The following CDYL variants were observed in gnomAD, a reference collection of about 807,000 sequenced individuals.
The protein encoded by CDYL is chromodomain Y-like protein.
CDYL carries 8 observed loss-of-function variants against 47.3 expected under a neutral mutation model. The observed-to-expected ratio is 0.17, with a 90% CI of 0.10 to 0.31. The LOEUF (loss-of-function observed/expected upper bound fraction) is 0.31, where lower values mean the gene tolerates loss of function less well. CDYL is among the 10% of genes least tolerant of loss of function. CDYL has a pLI of 1.00. For synonymous variants in CDYL, 266 were observed against 265.0 expected, an observed-to-expected ratio of 1.00 and a Z score of -0.04; for missense variants, 471 against 701.4, an observed-to-expected ratio of 0.67 and a Z score of 3.71.
chr6:4,922,584 G>A (rs1757748936), intron 2 of CDYL, among the ~76,000 whole-genome samples: 1 of 152,178 alleles, frequency 6.6e-6, no homozygotes, highest in Non-Finnish European at 1.5e-5. Flanking sequence ...TCCAGGTGGT[G>A]CCCACCAGTA....
At chr6:4,765,008 T>C (rs537524861) in intron 3 of CDYL, among the ~76,000 whole-genome samples, 15 of 152,220 alleles carry the variant, frequency 9.9e-5, no homozygotes, top group Admixed American at 2.6e-4. Flanking sequence ...ACAGATTATA[T>C]TCTTTCACTA....
chr6:4,722,742 A>AG (rs1483096071), intron 2 of CDYL, among the ~76,000 whole-genome samples: 1 of 152,096 alleles, frequency 6.6e-6, no homozygotes, highest in Non-Finnish European at 1.5e-5. Context: ...CTGGATGTGC[A>AG]GGTGCATACC....
chr6:4,798,133 T>C (rs1201807987), intron 1 of CDYL, among the ~76,000 whole-genome samples: 1 of 152,068 alleles, frequency 6.6e-6, no homozygotes, highest in Non-Finnish European at 1.5e-5. Context: ...CCACTACACC[T>C]GGCTAATTTT....
Position 4,873,458 on chromosome 6 carries a change from A to G in CDYL, c.25-18255A>G, listed in dbSNP as rs1761530612. Among the ~76,000 whole-genome samples the G allele has an allele frequency of 2.6e-5, 4 of 152,180 alleles. No homozygotes were observed. The South Asian group carries it at 8.3e-4, about 32-fold the overall frequency. Reference sequence around the variant, plus strand: ...ATGTTATTCTTCTACTTCCTTATGTATATACTGAGAGACATTTCATTGCTG... The same window carrying G: ...ATGTTATTCTTCTACTTCCTTATGTGTATACTGAGAGACATTTCATTGCTG... On this transcript the variant is annotated intron_variant, in intron 1 of 6. Transcript: ENST00000397588.
At chr6:4,881,686 T>C (rs1721100058) in intron 1 of CDYL, among the ~76,000 whole-genome samples, 1 of 152,238 alleles carries the variant, frequency 6.6e-6, no homozygotes, top group Non-Finnish European at 1.5e-5. Context: ...TTAAACATTA[T>C]TACACTGTCT....
chr6:4,712,806 A>G (rs898879523), intron 1 of CDYL, among the ~76,000 whole-genome samples: 4 of 152,234 alleles, frequency 2.6e-5, no homozygotes, highest in Admixed American at 6.5e-5. Context: ...AGCCAGGAGA[A>G]CTAGCAGGAA....
intron 3 of CDYL, among the ~76,000 whole-genome samples, chr6:4,743,571 A>G (rs1244900550): frequency 6.6e-6 from 1 of 152,150 alleles, no homozygotes; most frequent in East Asian, 1.9e-4. Context: ...GGAAATGGCA[A>G]TTTTGAGCAA....
intron 2 of CDYL, among the ~76,000 whole-genome samples, chr6:4,921,798 T>C (rs1407301018): frequency 1.3e-5 from 2 of 152,126 alleles, no homozygotes; most frequent in Admixed American, 6.6e-5. Context: ...CCATATACTT[T>C]TTTTTTTTAA....
chr6:4,804,121 C>G (rs979896413), intron 1 of CDYL, among the ~76,000 whole-genome samples: 6 of 152,016 alleles, frequency 3.9e-5, no homozygotes, highest in African/African-American at 1.2e-4. Context: ...TATTTACAGA[C>G]TAACCAGTGT....
At chr6:4,930,964 G>A (rs1054444468) in intron 2 of CDYL, among the ~76,000 whole-genome samples, 1 of 152,152 alleles carries the variant, frequency 6.6e-6, no homozygotes, top group African/African-American at 2.4e-5. Flanking sequence ...GGGTGAGGGG[G>A]GCGGTTTTTT....
rs372301244 is a variant in CDYL at position 4,890,359 on chromosome 6, G to A, written c.25-1354G>A. Reference sequence around the variant, plus strand: ...TCAAGAGCTTTCCCTGCTATGATACGGACCGCGTGGACTCGCCCTTGGTGA... The same window carrying A: ...TCAAGAGCTTTCCCTGCTATGATACAGACCGCGTGGACTCGCCCTTGGTGA... On this transcript the variant is annotated intron_variant, in intron 1 of 6. Coordinates refer to ENST00000397588, the MANE Select transcript of CDYL (RefSeq NM_004824.4). 1.1e-4 allele frequency among the ~76,000 whole-genome samples: 16 copies of A among 152,272 alleles called. No individual in the cohort carries two copies. The East Asian group carries it at 1.9e-3, about 18-fold the overall frequency.
At chr6:4,736,300 G>A (rs981519944) in intron 3 of CDYL, among the ~76,000 whole-genome samples, 2 of 152,180 alleles carry the variant, frequency 1.3e-5, no homozygotes, top group Admixed American at 6.5e-5. Context: ...ATGAAAACAC[G>A]TGTGCTTTCT....
chr6:4,954,197 G>A lies in CDYL; in HGVS notation c.*141G>A, dbSNP rs140055032. On this transcript the variant is annotated 3_prime_UTR_variant, in exon 7 of 7. Transcript: ENST00000397588. ...TGGAAGCAGGACTGGGAACATCCACGCTATTTATTATCGAGGAGTTTTAAA... is the reference window on the plus strand; with the variant it reads ...TGGAAGCAGGACTGGGAACATCCACACTATTTATTATCGAGGAGTTTTAAA... 5.1e-4 allele frequency: 389 copies of A among 758,068 alleles called. No individual in the cohort carries two copies. The highest frequency in any genetic ancestry group is 1.1e-3 in the Middle Eastern group (4 of 3,800). The allele number at this position is 758,068 out of a possible 1,614,324, so 47.0% of individuals were successfully genotyped here.
rs546820134 is a variant in CDYL, at chr6:4,803,426, C to G, written c.24+26619C>G. Among the ~76,000 whole-genome samples the G allele has an allele frequency of 1.2e-4, 18 of 152,266 alleles. No homozygotes were observed. The South Asian group carries it at 3.7e-3, about 32-fold the overall frequency. The stretch of plus-strand genomic sequence containing the variant: ...CAATTTTTGCACCTCCTCTGCTGTC[C>G]CCATTCTCCTCCATCTGCCTTGAAG... On this transcript the variant is annotated intron_variant, in intron 1 of 6. Transcript: ENST00000397588.
chr6:4,784,076 T>A (rs1425526462), intron 1 of CDYL, among the ~76,000 whole-genome samples: 1 of 152,244 alleles, frequency 6.6e-6, no homozygotes. Flanking sequence ...TTTAGCTATT[T>A]CCTTGGATCT....
chr6:4,855,144 G>A (rs751007644), intron 1 of CDYL, among the ~76,000 whole-genome samples: 22 of 152,174 alleles, frequency 1.4e-4, no homozygotes, highest in Non-Finnish European at 2.6e-4. Context: ...ATTGGAGGAT[G>A]GTTTATTTAA....
At chr6:4,721,378 G>C (rs147295355) in intron 2 of CDYL, among the ~76,000 whole-genome samples, 7 of 152,004 alleles carry the variant, frequency 4.6e-5, no homozygotes, top group African/African-American at 1.4e-4. Flanking sequence ...GGGGAGGGGT[G>C]TTGTTTTTCT....
Position 4,834,807 on chromosome 6 carries a change from G to A in CDYL, c.25-56906G>A, listed in dbSNP as rs566303851. Among the ~76,000 whole-genome samples the A allele has an allele frequency of 5.8e-4, 87 of 151,294 alleles. 1 individual carries two copies. The highest frequency in any genetic ancestry group is 2.0e-3 in the African/African-American group (83 of 41,176). ...TTTTTTTCTCTAAACTTCCTTTCTC[G>A]CTTCATTTCATTCATTTCATCTTCC... On this transcript the variant is annotated intron_variant, in intron 1 of 6. Transcript: ENST00000397588.
chr6:4,737,050 G>A (rs1450769254), intron 3 of CDYL, among the ~76,000 whole-genome samples: 1 of 152,070 alleles, frequency 6.6e-6, no homozygotes, highest in East Asian at 1.9e-4. Flanking sequence ...TTACCTCTGG[G>A]GAGTAGAGAT....
Sources: allele counts gnomAD v4.1 joint callset (sites outside exome capture counted in the v4.1 genomes callset), GRCh38; gene constraint gnomAD v4.1.1; transcripts MANE v1.5; gene names NCBI Gene and HGNC (gene_info 2026-07-23, HGNC 2026-07-21).